ZNF507: variants seen among roughly 807,000 people sequenced by gnomAD.
The protein encoded by ZNF507 is zinc finger protein 507.
ZNF507 carries 29 observed loss-of-function variants against 80.0 expected under a neutral mutation model. The observed-to-expected ratio is 0.36, with a 90% CI of 0.27 to 0.49. The LOEUF is 0.49. Ranked by LOEUF, ZNF507 falls within the 20% of genes least tolerant of loss-of-function variation. ZNF507 has a pLI of 0.98. For synonymous variants in ZNF507, 462 were observed against 422.5 expected, an observed-to-expected ratio of 1.09 and a Z score of -1.15; for missense variants, 1,081 against 1,152.2, an observed-to-expected ratio of 0.94 and a Z score of 0.90.
intron 5 of ZNF507, among the ~76,000 whole-genome samples, chr19:32,380,988 C>CA (rs1410943037): frequency 6.6e-6 from 1 of 151,982 alleles, no homozygotes; most frequent in Non-Finnish European, 1.5e-5. Context: ...TTCATAATTG[C>CA]AAAAAACTGG....
intron 5 of ZNF507, among the ~76,000 whole-genome samples, chr19:32,360,856 C>T (rs186739791): frequency 6.6e-6 from 1 of 152,240 alleles, no homozygotes; most frequent in East Asian, 1.9e-4. Context: ...ACTGCAGCCT[C>T]GAACTCCTGG....
chr19:32,362,799 C>T (rs1485471472), intron 5 of ZNF507, among the ~76,000 whole-genome samples: 2 of 152,170 alleles, frequency 1.3e-5, no homozygotes, highest in African/African-American at 4.8e-5. Flanking sequence ...CTGTTATTTT[C>T]CAAATTTATT....
In ZNF507 at chr19:32,386,603, A is replaced by T. The variant is rs1335335730; in HGVS notation, c.*3520A>T. 6.6e-6 allele frequency: 1 copy of T among 152,642 alleles called. No individual in the cohort carries two copies. Among genetic ancestry groups the T allele is most frequent in the Non-Finnish European group, 1.5e-5 (1 of 68,044 alleles). 9.5% of individuals were successfully genotyped at this position (152,642 alleles called of 1,614,324 possible). On this transcript the variant is annotated 3_prime_UTR_variant, in exon 7 of 7. Coordinates refer to ENST00000355898, the MANE Select transcript of ZNF507 (RefSeq NM_001136156.2). ...TAATTCTGACACTGTATCTTATTAA[A>T]ATAGGATGATTTGCATTTTGTAAAA...
At chr19:32,348,772 C>T (rs913408411) in intron 2 of ZNF507, among the ~76,000 whole-genome samples, 1 of 152,170 alleles carries the variant, frequency 6.6e-6, no homozygotes, top group African/African-American at 2.4e-5. Flanking sequence ...TAATGCCTGT[C>T]GTCTTCTTTC....
Position 32,369,580 on chromosome 19 carries a change from T to G in ZNF507, c.2360+8962T>G, listed in dbSNP as rs117846375. ...GTTGCTGGTCTGTTGGTGAGGTGGTTAGAAATGATTTGTTAGACATAGCCT... is the reference window on the plus strand; with the variant it reads ...GTTGCTGGTCTGTTGGTGAGGTGGTGAGAAATGATTTGTTAGACATAGCCT... On this transcript the variant is annotated intron_variant, in intron 5 of 6. Transcript: ENST00000355898. Among the ~76,000 whole-genome samples, 41 of 152,318 alleles carry G rather than the reference T, an allele frequency of 2.7e-4. No homozygotes were observed. The East Asian group carries it at 6.6e-3, about 24-fold the overall frequency.
At position 32,382,807 on chromosome 19, in the gene ZNF507, A is replaced by G; in HGVS notation, c.2586A>G (p.Ser862=). ...CTGGAAGTTCAGAAAATGCAGTGTC[A>G]TCTTCAGAACTGATGTCCCAGACTC... ...PVTGSSENAV[S]SSELMSQTPS... The change falls in exon 7 of 7, where the codon TCA becomes TCG. Residue 862 remains serine, a synonymous_variant. Coordinates refer to ENST00000355898, the MANE Select transcript of ZNF507 (RefSeq NM_001136156.2). The G allele has an allele frequency of 6.2e-7, 1 of 1,614,180 alleles. No homozygotes were observed. The highest frequency in any genetic ancestry group is 1.1e-5 in the South Asian group (1 of 91,084).
Position 32,354,487 on chromosome 19 carries a change from G to A in ZNF507, c.1657G>A (p.Gly553Arg). ...MMSPLKNSSD[G>R]LTSLNQSNST... ...GTCGCCACTTAAAAACTCTTCAGAT[G>A]GATTAACTAGTCTTAACCAAAGCAA... The change falls in exon 3 of 7, where the codon GGA becomes AGA. Residue 553 changes from glycine to arginine, a missense_variant. Gly to Arg is a moderately radical substitution (Grantham distance 125, BLOSUM62 -2). Transcript: ENST00000355898. 3 of 1,614,144 alleles carry A rather than the reference G, an allele frequency of 1.9e-6. No homozygotes were observed. The highest frequency in any genetic ancestry group is 2.5e-6 in the Non-Finnish European group (3 of 1,180,024).
intron 1 of ZNF507, among the ~76,000 whole-genome samples, chr19:32,346,074 T>G (rs745321545): frequency 2.6e-5 from 4 of 152,208 alleles, no homozygotes; most frequent in African/African-American, 4.8e-5. Flanking sequence ...AGGCGTTGCT[T>G]CTTTCTGCAA....
chr19:32,376,885 C>T (rs1200574820), intron 5 of ZNF507, among the ~76,000 whole-genome samples: 1 of 152,138 alleles, frequency 6.6e-6, no homozygotes, highest in Non-Finnish European at 1.5e-5. Flanking sequence ...GGGGCCCTTC[C>T]CTGCCTGGCA....
intron 5 of ZNF507, among the ~76,000 whole-genome samples, chr19:32,375,999 A>G (rs138463376): frequency 3.2e-4 from 48 of 152,318 alleles, no homozygotes; most frequent in Admixed American, 2.6e-4. Context: ...TTTTTATACA[A>G]AGATGATTGT....
At chr19:32,366,504 G>A (rs1001690500) in intron 5 of ZNF507, among the ~76,000 whole-genome samples, 33 of 152,018 alleles carry the variant, frequency 2.2e-4, no homozygotes, top group African/African-American at 4.8e-4. Context: ...TTTGCTCAAC[G>A]TGTGTGTATG....
At chr19:32,348,773 G>A (rs1340516975) in intron 2 of ZNF507, among the ~76,000 whole-genome samples, 1 of 152,066 alleles carries the variant, frequency 6.6e-6, no homozygotes, top group South Asian at 2.1e-4. Flanking sequence ...AATGCCTGTC[G>A]TCTTCTTTCC....
intron 1 of ZNF507, among the ~76,000 whole-genome samples, chr19:32,346,081 G>T (rs1328308055): frequency 6.6e-6 from 1 of 152,220 alleles, no homozygotes; most frequent in Non-Finnish European, 1.5e-5. Context: ...GCTTCTTTCT[G>T]CAAATGTGAG....
At chr19:32,357,574 T>C (rs1967269101) in intron 4 of ZNF507, 1 of 152,248 alleles carries the variant, frequency 6.6e-6, no homozygotes. Context: ...AGAATGCTTC[T>C]GAAAGAACTG....
At chr19:32,349,891 C>T (rs1967140374) in intron 2 of ZNF507, among the ~76,000 whole-genome samples, 1 of 152,192 alleles carries the variant, frequency 6.6e-6, no homozygotes, top group African/African-American at 2.4e-5. Flanking sequence ...TATTCTCATC[C>T]TATCCACCCC....
rs77111967 is a variant in ZNF507, at chr19:32,362,893, G to T, written c.2360+2275G>T. ...ATCTCCCTCTTTGTACTTATTATCA[G>T]TTTTTCCTCATAAGTCTTATTTTCT... On this transcript the variant is annotated intron_variant, in intron 5 of 6. Transcript: ENST00000355898. Among the ~76,000 whole-genome samples, 1,102 of 152,198 alleles carry T rather than the reference G, an allele frequency of 7.2e-3. 11 individuals are homozygous for T. The highest frequency in any genetic ancestry group is 0.025 in the African/African-American group (1,059 of 41,534).
chr19:32,352,285 T>C (rs1251181141), intron 2 of ZNF507, among the ~76,000 whole-genome samples: 1 of 152,204 alleles, frequency 6.6e-6, no homozygotes, highest in East Asian at 1.9e-4. Flanking sequence ...AGTTTCACAA[T>C]TTCAAAGATT....
intron 5 of ZNF507, chr19:32,380,744 C>T: frequency 2.2e-6 from 2 of 926,050 alleles, no homozygotes; most frequent in Non-Finnish European, 1.7e-6. Context: ...CAATTATGCT[C>T]CTGAGTGTTT....
At position 32,386,546 on chromosome 19, in the gene ZNF507, T is replaced by G. The variant is rs1320636687; in HGVS notation, c.*3463T>G. 1 of 152,604 alleles carries G rather than the reference T, an allele frequency of 6.6e-6. No individual in the cohort carries two copies. The highest frequency in any genetic ancestry group is 1.5e-5 in the Non-Finnish European group (1 of 68,038). The allele number at this position is 152,604 out of a possible 1,614,324, so 9.5% of individuals were successfully genotyped here. The stretch of plus-strand genomic sequence containing the variant: ...TGCTTCTATAGCCAAAGTATAAAAA[T>G]TTCTGGAATACTGACATGTAAAGAC... On this transcript the variant is annotated 3_prime_UTR_variant, in exon 7 of 7. Transcript: ENST00000355898.
Sources: gnomAD v4.1 joint callset for allele counts (sites outside exome capture counted in the v4.1 genomes callset) on GRCh38, gnomAD v4.1.1 for gene constraint, MANE v1.5 for transcripts, NCBI Gene and HGNC (gene_info 2026-07-23, HGNC 2026-07-21) for gene names.